Variants in NECTIN4 observed in about 807,000 individuals in gnomAD.
The protein encoded by NECTIN4 is nectin cell adhesion molecule 4.
NECTIN4 carries 19 observed loss-of-function variants against 51.7 expected under a neutral mutation model. The observed-to-expected ratio is 0.37, with a 90% CI of 0.26 to 0.54. The LOEUF (loss-of-function observed/expected upper bound fraction) is 0.54. Ranked by LOEUF, NECTIN4 falls within the 20% of genes least tolerant of loss-of-function variation. The probability of loss-of-function intolerance (pLI) is 0.86; values close to 1 mark genes in which losing one functional copy is unlikely to be tolerated. For missense variants in NECTIN4, 619 were observed against 662.4 expected (o/e 0.93, Z 0.72); for synonymous variants, 283 against 286.9 (o/e 0.99, Z 0.14).
chr1:161,077,841 G>T, intron 2 of NECTIN4, 98 bp from the exon 3 acceptor site: 1 of 1,121,952 alleles, frequency 8.9e-7, no homozygotes, highest in Non-Finnish European at 1.2e-6. Flanking sequence ...CAAACTTTCA[G>T]GCCCCCTTTC....
chr1:161,088,257 T>TGTA (rs1654038025), intron 1 of NECTIN4, among the ~76,000 whole-genome samples: 1 of 152,150 alleles, frequency 6.6e-6, no homozygotes, highest in Non-Finnish European at 1.5e-5. Flanking sequence ...CCCTTGCTAC[T>TGTA]GCTCCTGGGC....
chr1:161,083,465 G>A lies in NECTIN4; in HGVS notation c.80-3516C>T, dbSNP rs1653789094. Reference sequence around the variant, plus strand: ...TCAGACCAAAGGAGACACATTGCCTGCCTGGTGAGGTCACCTTGAGGGCAT... The same window carrying A: ...TCAGACCAAAGGAGACACATTGCCTACCTGGTGAGGTCACCTTGAGGGCAT... On this transcript the variant is annotated intron_variant, in intron 1 of 8. Transcript: ENST00000368012. 3.3e-5 allele frequency among the ~76,000 whole-genome samples: 5 copies of A among 152,284 alleles called. No individual in the cohort carries two copies. The South Asian group carries it at 1.0e-3, about 32-fold the overall frequency.
chr1:161,083,620 G>A (rs546794784), intron 1 of NECTIN4, among the ~76,000 whole-genome samples: 11 of 152,204 alleles, frequency 7.2e-5, no homozygotes, highest in African/African-American at 1.9e-4. Context: ...GTACCAGGAC[G>A]CTGGTCAGGA....
rs779264059 is a variant in NECTIN4 at position 161,079,914 on chromosome 1, C to G, written c.115G>C (p.Val39Leu). The change falls in exon 2 of 9, where the codon GTG becomes CTG. Residue 39 changes from valine (V) to leucine (L), a missense_variant. Val to Leu is a conservative substitution (Grantham distance 32). Around this residue, in one of 3 missense-constraint regions of NECTIN4, gnomAD observed 218 missense variants for 186.3 expected, o/e 1.17. Transcript: ENST00000368012. ...CPAGELETSD[V>L]VTVVLGQDAK... ...TCCTGGCCCAGCACCACAGTTACCA[C>G]GTCTGAGGTCTCCAGCTCACCCGCG... 19 of 1,609,602 alleles carry G rather than the reference C, an allele frequency of 1.2e-5. No homozygotes were observed. The highest frequency in any genetic ancestry group is 1.6e-5 in the Non-Finnish European group (19 of 1,176,628).
chr1:161,073,156 A>C, intron 8 of NECTIN4, 69 bp downstream of exon 8: 1 of 1,393,076 alleles, frequency 7.2e-7, no homozygotes, highest in South Asian at 1.2e-5. Flanking sequence ...CTGCTGACGC[A>C]CCATATCTGG....
At position 161,079,649 on chromosome 1, in the gene NECTIN4, C is replaced by A. The variant is rs1242056156; in HGVS notation, c.380G>T (p.Cys127Phe). The change falls in exon 2 of 9, where the codon TGC (cysteine) becomes TTC (phenylalanine). Residue 127 changes from cysteine to phenylalanine, a missense_variant. Physicochemically the swap from Cys to Phe is radical, Grantham distance 205 (BLOSUM62 -2). This residue lies in a region of NECTIN4 where 218 missense variants were observed against 186.3 expected (regional missense o/e 1.17). Coordinates refer to ENST00000368012, the MANE Select transcript of NECTIN4 (RefSeq NM_030916.3). The stretch of plus-strand genomic sequence containing the variant: ...GCCGGCGGGGAAGGTGCTGACCCGG[C>A]ACTCGTACTCGCCCTCATCCGCCTG... ...AVQADEGEYE[C>F]RVSTFPAGSF... The A allele has an allele frequency of 6.2e-7, 1 of 1,605,740 alleles. No homozygotes were observed.
chr1:161,088,599 G>A (rs771204277), intron 1 of NECTIN4, among the ~76,000 whole-genome samples: 1 of 152,044 alleles, frequency 6.6e-6, no homozygotes, highest in African/African-American at 2.4e-5. Context: ...TTACCACCCT[G>A]GCACCTAATA....
intron 8 of NECTIN4, 36 bp downstream of exon 8, chr1:161,073,189 G>A (rs751770618): frequency 6.3e-7 from 1 of 1,578,328 alleles, no homozygotes; most frequent in East Asian, 2.2e-5. Flanking sequence ...GGCCCGAGGA[G>A]AGTGGTGGGG....
chr1:161,072,735 G>A lies in NECTIN4; in HGVS notation c.1459C>T (p.Gln487Ter), dbSNP rs866529347. The A allele has an allele frequency of 6.2e-7, 1 of 1,614,084 alleles. No individual in the cohort carries two copies. The highest frequency in any genetic ancestry group is 8.5e-7 in the Non-Finnish European group (1 of 1,180,038). Residue 487 changes from glutamine to a stop codon, truncating the protein, a stop_gained, in exon 9 of 9, where the codon CAG (glutamine) becomes TAG (stop). Coordinates refer to ENST00000368012, the MANE Select transcript of NECTIN4 (RefSeq NM_030916.3). LOFTEE classifies it high-confidence loss of function. ...GIKQAMNHFV[Q>*]ENGTLRAKPT... ...TTGGCCCGTAGGGTCCCATTCTCCT[G>A]AACAAAATGGTTCATGGCCTGTTTG... is the stretch of plus-strand genomic sequence containing the variant.
intron 2 of NECTIN4, among the ~76,000 whole-genome samples, chr1:161,079,002 ACT>A (rs1653545138): frequency 6.6e-6 from 1 of 151,998 alleles, no homozygotes; most frequent in African/African-American, 2.4e-5. Flanking sequence ...ACAGAGCGAG[ACT>A]CTGTCTCAAA....
At position 161,072,867 on chromosome 1, in the gene NECTIN4, G is replaced by C. The variant is rs1537044; in HGVS notation, c.1327C>G (p.Arg443Gly). Residue 443 changes from arginine (R) to glycine (G), a missense_variant, in exon 9 of 9, where the codon CGC becomes GGC. Around this residue, in one of 3 missense-constraint regions of NECTIN4, gnomAD observed 364 missense variants for 415.7 expected, o/e 0.88. Coordinates refer to ENST00000368012, the MANE Select transcript of NECTIN4 (RefSeq NM_030916.3). ...CSVMSEEPEG[R>G]SYSTLTTVRE... ...ACCGTGGTCAGCGTGGAGTAACTGC[G>C]GCCCTCGGGCTCTTCACTCTGGAGA... 1 of 1,613,360 alleles carries C rather than the reference G, an allele frequency of 6.2e-7. No homozygotes were observed. The highest frequency in any genetic ancestry group is 1.1e-5 in the South Asian group (1 of 90,882).
intron 5 of NECTIN4, 106 bp from the exon 6 acceptor site, chr1:161,074,479 C>T (rs1653322273): frequency 1.3e-6 from 2 of 1,584,042 alleles, no homozygotes; most frequent in African/African-American, 2.7e-5. Flanking sequence ...CAGTTTGATT[C>T]TCTGCAAGAC....
intron 1 of NECTIN4, among the ~76,000 whole-genome samples, chr1:161,085,211 G>C (rs376059561): frequency 2.6e-5 from 4 of 151,754 alleles, no homozygotes; most frequent in Non-Finnish European, 5.9e-5. Context: ...TGGGCAAAAC[G>C]CCCACCCACA....
At chr1:161,077,323 C>T (rs1653452074) in intron 3 of NECTIN4, 130 bp downstream of exon 3, 2 of 888,602 alleles carry the variant, frequency 2.3e-6, no homozygotes, top group Admixed American at 1.9e-5. Context: ...TGGACTAGTG[C>T]TCTGTCACAT....
In NECTIN4 at chr1:161,074,647, A is replaced by G; in HGVS notation, c.964T>C (p.Ser322Pro). ...IYVCHVSNEF[S>P]SRDSQVTVDV... ...ACAGTGACCTGAGAATCCCTTGAGG[A>G]GAACTCATTGCTGACATGGCAGACG... is the stretch of plus-strand genomic sequence containing the variant. Residue 322 changes from serine (S) to proline (P), a missense_variant, in exon 5 of 9, where the codon TCC (serine) becomes CCC (proline). Coordinates refer to ENST00000368012, the MANE Select transcript of NECTIN4 (RefSeq NM_030916.3). 5.6e-6 allele frequency: 9 copies of G among 1,614,258 alleles called. No homozygotes were observed. Among genetic ancestry groups the G allele is most frequent in the Non-Finnish European group, 7.6e-6 (9 of 1,180,044 alleles).
In NECTIN4 at chr1:161,089,435, G is replaced by GGGGACCCAGCCC; in HGVS notation, c.-151_-140dup. On this transcript the variant is annotated 5_prime_UTR_variant, in exon 1 of 9. Coordinates refer to ENST00000368012, the MANE Select transcript of NECTIN4 (RefSeq NM_030916.3). This position sits in a 1 kb window ranked among gnomAD's most constrained non-coding sequence, Gnocchi z 4.1. ...GCCTCTCGCACTTGGGTCTCCACTA[G>GGGGACCCAGCCC]GGGACCCAGCCCCAGCCCCGGCCCC... The GGGGACCCAGCCC allele has an allele frequency of 2.6e-6, 2 of 764,876 alleles. No homozygotes were observed. Among genetic ancestry groups the GGGGACCCAGCCC allele is most frequent in the South Asian group, 2.9e-5 (2 of 68,130 alleles). The allele number at this position is 764,876 out of a possible 1,614,324, so 47.4% of individuals were successfully genotyped here. A position where few individuals can be genotyped will look rare whatever the true frequency, so the allele number is the denominator to read the frequency against.
chr1:161,086,458 A>G (rs763543536), intron 1 of NECTIN4, among the ~76,000 whole-genome samples: 5 of 152,186 alleles, frequency 3.3e-5, no homozygotes, highest in African/African-American at 4.8e-5. Flanking sequence ...CCTCCCTTTC[A>G]AGGAAATTAA....
In NECTIN4 at chr1:161,077,726, G is replaced by A. The variant is rs1653484979; in HGVS notation, c.457C>T (p.Leu153=). ...LRVLVPPLPS[L]NPGPALEEGQ... The stretch of plus-strand genomic sequence containing the variant: ...TCTTCTAGTGCTGGACCAGGATTCA[G>A]TGAGGGCAGGGGAGGCACTGCAAAT... The change falls in exon 3 of 9, where the codon CTG becomes TTG. Residue 153 remains leucine, a synonymous_variant. Coordinates refer to ENST00000368012, the MANE Select transcript of NECTIN4 (RefSeq NM_030916.3). The A allele has an allele frequency of 1.9e-6, 3 of 1,609,904 alleles. No individual in the cohort carries two copies. The highest frequency in any genetic ancestry group is 2.5e-6 in the Non-Finnish European group (3 of 1,179,874).
chr1:161,080,624 C>A (rs1038561936), intron 1 of NECTIN4, among the ~76,000 whole-genome samples: 1 of 152,042 alleles, frequency 6.6e-6, no homozygotes, highest in African/African-American at 2.4e-5. Flanking sequence ...ATGAGCAAGC[C>A]ACTAAAGACA....
Sources: allele counts gnomAD v4.1 joint callset (sites outside exome capture counted in the v4.1 genomes callset), GRCh38; gene constraint gnomAD v4.1.1; regional missense constraint gnomAD v4.1.1; non-coding constraint Gnocchi (gnomAD v3.1); transcripts MANE v1.5; gene names NCBI Gene and HGNC (gene_info 2026-07-23, HGNC 2026-07-21).